Variants in PDE1A observed in about 807,000 individuals in gnomAD.
The protein encoded by PDE1A is phosphodiesterase 1A.
In PDE1A, 35 loss-of-function variants were observed where a neutral mutation model predicts 61.7. That is an observed-to-expected ratio of 0.57 (90% CI 0.43 to 0.75). PDE1A has a LOEUF of 0.75. Among genes scored for constraint, PDE1A ranks in the 30% least tolerant of loss-of-function variants. The probability of loss-of-function intolerance (pLI) is 0.00; values close to 1 mark genes in which losing one functional copy is unlikely to be tolerated. For missense variants in PDE1A, 597 were observed against 630.6 expected, an observed-to-expected ratio of 0.95 and a Z score of 0.57; for synonymous variants, 232 against 213.2, an observed-to-expected ratio of 1.09 and a Z score of -0.77.
At chr2:182,433,162 A>G (rs190001696) in intron 2 of PDE1A, among the ~76,000 whole-genome samples, 23 of 151,910 alleles carry the variant, frequency 1.5e-4, no homozygotes, top group Admixed American at 4.6e-4. Flanking sequence ...ACTTCCTGAG[A>G]CTCCATCCCA....
chr2:182,690,781 C>T, the PDE1A span, among the ~76,000 whole-genome samples: 1 of 152,074 alleles, frequency 6.6e-6, no homozygotes. Context: ...CTAGAAAAAC[C>T]CATCATCTCA....
At chr2:182,359,268 A>G (rs1186062495) in intron 1 of PDE1A, among the ~76,000 whole-genome samples, 2 of 152,102 alleles carry the variant, frequency 1.3e-5, no homozygotes, top group African/African-American at 4.8e-5. Context: ...ATTTAAGTAC[A>G]CTCTTTCAGA....
chr2:182,531,126 C>A, the PDE1A span, among the ~76,000 whole-genome samples: 1 of 150,472 alleles, frequency 6.6e-6, no homozygotes, highest in Non-Finnish European at 1.5e-5. Context: ...GCTATTTAAA[C>A]AAATACACTT....
At chr2:182,523,906 G>A (rs1030737946), upstream of PDE1A, among the ~76,000 whole-genome samples, 1 of 152,092 alleles carries the variant, frequency 6.6e-6, no homozygotes, top group Non-Finnish European at 1.5e-5. Context: ...TAATGTGTAC[G>A]TAAAAAGGAC....
In PDE1A at chr2:182,470,161, A is replaced by G. The variant is rs965109055; in HGVS notation, c.101+52115T>C. ...CACTAACTTTTAATTTATAAAAAGC[A>G]CAATATCTGTGAAGTGCAGTAAAGC... is the stretch of plus-strand genomic sequence containing the variant. On this transcript the variant is annotated intron_variant, in intron 2 of 14. Transcript: ENST00000410103. 2.0e-5 allele frequency among the ~76,000 whole-genome samples: 3 copies of G among 151,946 alleles called. No individual in the cohort carries two copies. The East Asian group carries it at 5.8e-4, about 29-fold the overall frequency.
At chr2:182,640,256 A>C in the PDE1A span, among the ~76,000 whole-genome samples, 2 of 152,234 alleles carry the variant, frequency 1.3e-5, no homozygotes, top group Non-Finnish European at 2.9e-5. Context: ...TACGCAAGCG[A>C]AGTCAGGAAA....
intron 13 of PDE1A, among the ~76,000 whole-genome samples, chr2:182,147,423 C>T (rs904410557): frequency 3.9e-5 from 6 of 152,112 alleles, no homozygotes; most frequent in Non-Finnish European, 7.4e-5. Context: ...CATGTTTAAA[C>T]ATCTATTAAA....
At chr2:182,400,280 C>A (rs938222350) in intron 1 of PDE1A, among the ~76,000 whole-genome samples, 1 of 152,150 alleles carries the variant, frequency 6.6e-6, no homozygotes, top group Non-Finnish European at 1.5e-5. Flanking sequence ...TTTCCTTTAT[C>A]TTTTCCCAAT....
chr2:182,677,859 CA>C, the PDE1A span, among the ~76,000 whole-genome samples: 1 of 152,152 alleles, frequency 6.6e-6, no homozygotes, highest in Non-Finnish European at 1.5e-5. Flanking sequence ...ACAACATATA[CA>C]AAAATCAATT....
chr2:182,635,601 G>A, the PDE1A span, among the ~76,000 whole-genome samples: 1 of 151,710 alleles, frequency 6.6e-6, no homozygotes, highest in Non-Finnish European at 1.5e-5. Flanking sequence ...CTTATCACCA[G>A]CTGTTCCCAC....
At chr2:182,326,554 T>C (rs1477684917) in intron 1 of PDE1A, among the ~76,000 whole-genome samples, 1 of 152,124 alleles carries the variant, frequency 6.6e-6, no homozygotes, top group East Asian at 1.9e-4. Flanking sequence ...AGAACAGTTG[T>C]TCTCAGAGAA....
the PDE1A span, among the ~76,000 whole-genome samples, chr2:182,597,643 T>A: frequency 6.6e-6 from 1 of 152,282 alleles, no homozygotes; most frequent in South Asian, 2.1e-4. Flanking sequence ...AATTAAGAAG[T>A]GTACTTTTTC....
intron 2 of PDE1A, among the ~76,000 whole-genome samples, chr2:182,472,112 T>C (rs1305151287): frequency 6.6e-6 from 1 of 151,914 alleles, no homozygotes; most frequent in East Asian, 1.9e-4. Flanking sequence ...TTGGTGAGAA[T>C]GTAAATTAGT....
chr2:182,661,598 T>G, the PDE1A span, among the ~76,000 whole-genome samples: 1 of 151,992 alleles, frequency 6.6e-6, no homozygotes, highest in African/African-American at 2.4e-5. Context: ...AAAATAAAAA[T>G]ATGGAACGGC....
At chr2:182,253,547 T>C (rs1665162465) in intron 2 of PDE1A, among the ~76,000 whole-genome samples, 1 of 152,056 alleles carries the variant, frequency 6.6e-6, no homozygotes, top group Non-Finnish European at 1.5e-5. Flanking sequence ...CCCCCTTCAT[T>C]CTGCCATTTA....
At chr2:182,700,003 T>C in the PDE1A span, among the ~76,000 whole-genome samples, 1 of 152,172 alleles carries the variant, frequency 6.6e-6, no homozygotes, top group Non-Finnish European at 1.5e-5. Flanking sequence ...CCTGTTTCTC[T>C]TCTCTTGGAA....
At chr2:182,172,826 C>T (rs557467896) in intron 13 of PDE1A, among the ~76,000 whole-genome samples, 74 of 151,982 alleles carry the variant, frequency 4.9e-4, no homozygotes, top group African/African-American at 1.7e-3. Flanking sequence ...AGAACAAAAC[C>T]AAAGGTAGAG....
the PDE1A span, among the ~76,000 whole-genome samples, chr2:182,703,250 C>A: frequency 6.6e-6 from 1 of 152,032 alleles, no homozygotes; most frequent in Non-Finnish European, 1.5e-5. Context: ...TTTGAAGTTC[C>A]TGTTAGATTA....
chr2:182,570,180 C>T, the PDE1A span, among the ~76,000 whole-genome samples: 3 of 152,160 alleles, frequency 2.0e-5, no homozygotes, highest in Middle Eastern at 3.4e-3. Flanking sequence ...TAGTAAAAAT[C>T]TGGAGCAGGG....
Sources: allele counts gnomAD v4.1 joint callset (sites outside exome capture counted in the v4.1 genomes callset), GRCh38; gene constraint gnomAD v4.1.1; transcripts MANE v1.5; gene names NCBI Gene and HGNC (gene_info 2026-07-23, HGNC 2026-07-21).